CLYBL: variants seen among roughly 807,000 people sequenced by gnomAD.
CLYBL encodes citramalyl-CoA lyase, mitochondrial.
In CLYBL, 31 loss-of-function variants were observed where a neutral mutation model predicts 38.9. That is an observed-to-expected ratio of 0.80 (90% CI 0.60 to 1.08). CLYBL has a LOEUF of 1.08. CLYBL is among the 50% of genes least tolerant of loss of function. The pLI, the probability that CLYBL is intolerant of heterozygous loss-of-function variation, is 0.00. For synonymous variants in CLYBL, 171 were observed against 158.6 expected, an observed-to-expected ratio of 1.08 and a Z score of -0.59; for missense variants, 434 against 411.6, an observed-to-expected ratio of 1.05 and a Z score of -0.47.
chr13:99,859,272 G>A (rs1055574984), intron 3 of CLYBL, among the ~76,000 whole-genome samples: 6 of 152,180 alleles, frequency 3.9e-5, no homozygotes, highest in African/African-American at 7.2e-5. Flanking sequence ...ATGATGCTTC[G>A]CTTCCTAATT....
intron 7 of CLYBL, among the ~76,000 whole-genome samples, chr13:99,885,487 C>T (rs570259118): frequency 3.9e-5 from 6 of 152,192 alleles, no homozygotes; most frequent in Admixed American, 2.6e-4. Context: ...TCTGCAAGTC[C>T]AAAGAAAACC....
intron 6 of CLYBL, among the ~76,000 whole-genome samples, chr13:99,867,392 A>AAAATAAAACTGAATGACCT (rs1439578789): frequency 6.6e-6 from 1 of 152,250 alleles, no homozygotes; most frequent in Non-Finnish European, 1.5e-5. Context: ...GATTTAGTCC[A>AAAATAAAACTGAATGACCT]AAATAAAACT....
intron 2 of CLYBL, among the ~76,000 whole-genome samples, chr13:99,802,410 G>C (rs1336833213): frequency 2.6e-5 from 4 of 151,918 alleles, no homozygotes; most frequent in Non-Finnish European, 5.9e-5. Context: ...TCAAACTTTA[G>C]ACATAGCAGA....
intron 2 of CLYBL, among the ~76,000 whole-genome samples, chr13:99,813,832 CCTT>C (rs2050389578): frequency 6.6e-6 from 1 of 152,150 alleles, no homozygotes; most frequent in Non-Finnish European, 1.5e-5. Flanking sequence ...GTCCGCAAGT[CCTT>C]CTGCCTCTGA....
rs905154048 is a variant in CLYBL, at chr13:99,906,902, C to G, written c.*161-1153C>G. 2.0e-5 allele frequency among the ~76,000 whole-genome samples: 3 copies of G among 152,216 alleles called. No individual in the cohort carries two copies. The East Asian group carries it at 5.8e-4, about 29-fold the overall frequency. Reference sequence around the variant, plus strand: ...TTGGAAAATACTTGGCTTCGTGCATCTGCAGACTTACTGTTTTCTTTGACC... The same window carrying G: ...TTGGAAAATACTTGGCTTCGTGCATGTGCAGACTTACTGTTTTCTTTGACC... On this transcript the variant is annotated intron_variant and NMD_transcript_variant, in intron 9 of 9. Coordinates refer to the CLYBL transcript ENST00000689673.
intron 1 of CLYBL, among the ~76,000 whole-genome samples, chr13:99,684,728 C>T (rs1251701065): frequency 6.6e-6 from 1 of 152,108 alleles, no homozygotes; most frequent in East Asian, 1.9e-4. Context: ...ATAATGATCC[C>T]CTGTGAAATA....
chr13:99,662,459 C>T (rs766140682), intron 1 of CLYBL, among the ~76,000 whole-genome samples: 3 of 147,014 alleles, frequency 2.0e-5, no homozygotes, highest in Non-Finnish European at 3.0e-5. Context: ...GGTTCTATTT[C>T]GTTGAATTTA....
intron 2 of CLYBL, among the ~76,000 whole-genome samples, chr13:99,835,086 C>T (rs540355504): frequency 1.3e-5 from 2 of 152,330 alleles, no homozygotes; most frequent in African/African-American, 2.4e-5. Flanking sequence ...GAGCCTGTCT[C>T]TCTGTGGTTA....
At chr13:99,857,827 AACT>A (rs2051497349) in intron 2 of CLYBL, among the ~76,000 whole-genome samples, 1 of 152,076 alleles carries the variant, frequency 6.6e-6, no homozygotes, top group African/African-American at 2.4e-5. Context: ...CTTTTTTGTA[AACT>A]ACATTCATCA....
At position 99,819,465 on chromosome 13, in the gene CLYBL, T is replaced by TATATATAAAA. The variant is rs1366110606; in HGVS notation, c.250-39393_250-39392insTATAAAAATA. On this transcript the variant is annotated intron_variant, in intron 2 of 8. Transcript: ENST00000339105. The stretch of plus-strand genomic sequence containing the variant: ...ATATATATATATATATATATATATA[T>TATATATAAAA]ATAATATTTGTCAGGGTTGTCTGGG... Among the ~76,000 whole-genome samples the TATATATAAAA allele has an allele frequency of 1.1e-3, 62 of 58,734 alleles. 1 individual carries two copies. Among genetic ancestry groups the TATATATAAAA allele is most frequent in the Middle Eastern group, 8.9e-3 (1 of 112 alleles). The allele number at this position is 58,734 out of a possible 152,430, so 38.5% of individuals were successfully genotyped here.
At chr13:99,648,147 C>T (rs191925129) in intron 1 of CLYBL, among the ~76,000 whole-genome samples, 16 of 151,848 alleles carry the variant, frequency 1.1e-4, no homozygotes, top group Non-Finnish European at 2.1e-4. Flanking sequence ...AAAGTATGTT[C>T]GGGGGGGAAA....
intron 1 of CLYBL, among the ~76,000 whole-genome samples, chr13:99,707,984 T>A (rs911085324): frequency 6.6e-6 from 1 of 152,088 alleles, no homozygotes. Context: ...TATTTAGTTT[T>A]GTTTTGTTTT....
At chr13:99,816,131 A>C (rs1421018188) in intron 2 of CLYBL, among the ~76,000 whole-genome samples, 1 of 152,210 alleles carries the variant, frequency 6.6e-6, no homozygotes, top group African/African-American at 2.4e-5. Context: ...ATGAAATAGC[A>C]ATTTTCTTTT....
intron 1 of CLYBL, among the ~76,000 whole-genome samples, chr13:99,613,539 T>C (rs947929645): frequency 2.6e-5 from 4 of 151,864 alleles, no homozygotes; most frequent in Non-Finnish European, 4.4e-5. Context: ...TCTGTACTGC[T>C]GTGAGGCCAC....
At chr13:99,732,522 T>G (rs147373041) in intron 1 of CLYBL, among the ~76,000 whole-genome samples, 4 of 152,236 alleles carry the variant, frequency 2.6e-5, no homozygotes, top group African/African-American at 9.6e-5. Flanking sequence ...CGGAGAGAAA[T>G]CAGTTTCCTG....
chr13:99,618,329 G>A (rs1484541043), intron 1 of CLYBL, among the ~76,000 whole-genome samples: 1 of 151,394 alleles, frequency 6.6e-6, no homozygotes, highest in African/African-American at 2.4e-5. Flanking sequence ...GGAGTGCAGT[G>A]GTGCGATCTC....
At chr13:99,799,642 A>G (rs2050092329) in intron 2 of CLYBL, among the ~76,000 whole-genome samples, 1 of 152,210 alleles carries the variant, frequency 6.6e-6, no homozygotes, top group South Asian at 2.1e-4. Flanking sequence ...GTGGGCTTCA[A>G]TTTCATCTAT....
intron 1 of CLYBL, among the ~76,000 whole-genome samples, chr13:99,618,496 C>A (rs1473224072): frequency 6.6e-6 from 1 of 152,174 alleles, no homozygotes; most frequent in Admixed American, 6.5e-5. Context: ...TCTCGAACTC[C>A]TGACCTCAGG....
chr13:99,616,053 G>C (rs1055826873), intron 1 of CLYBL, among the ~76,000 whole-genome samples: 7 of 151,202 alleles, frequency 4.6e-5, no homozygotes, highest in Admixed American at 4.6e-4. Flanking sequence ...CACCATGTTG[G>C]TCAGGCTGGT....
Sources: allele counts gnomAD v4.1 joint callset (sites outside exome capture counted in the v4.1 genomes callset), GRCh38; gene constraint gnomAD v4.1.1; transcripts MANE v1.5; gene names NCBI Gene and HGNC (gene_info 2026-07-23, HGNC 2026-07-21).